Variants in PTPRN2 observed in about 807,000 individuals in gnomAD.
PTPRN2 encodes the protein protein tyrosine phosphatase receptor type N2, also known as receptor-type tyrosine-protein phosphatase N2.
PTPRN2 carries 74 observed loss-of-function variants against 118.8 expected under a neutral mutation model. The observed-to-expected ratio is 0.62, with a 90% CI of 0.52 to 0.76. The LOEUF is 0.76. Among genes scored for constraint, PTPRN2 ranks in the 30% least tolerant of loss-of-function variants. PTPRN2 has a pLI of 0.00. For synonymous variants in PTPRN2, 641 were observed against 608.0 expected (o/e 1.05, Z -0.80); for missense variants, 1,481 against 1,394.4 (o/e 1.06, Z -0.99).
At chr7:158,514,274 C>G (rs145358259) in intron 1 of PTPRN2, among the ~76,000 whole-genome samples, 4 of 152,252 alleles carry the variant, frequency 2.6e-5, no homozygotes, top group African/African-American at 9.6e-5. Flanking sequence ...ACATTCTCCT[C>G]GTTTATCAAT....
Position 157,572,480 on chromosome 7 carries a change from G to A in PTPRN2, c.2784-987C>T, listed in dbSNP as rs114584821. ...GTGGAAAGTAAACATTCCATCAACC[G>A]GTGCTTTGCTACAAACCTTTGAAGC... On this transcript the variant is annotated intron_variant, in intron 19 of 22. Coordinates refer to ENST00000389418, the MANE Select transcript of PTPRN2 (RefSeq NM_002847.5). 1.7e-3 allele frequency among the ~76,000 whole-genome samples: 262 copies of A among 152,308 alleles called. 1 individual carries two copies. Among genetic ancestry groups the A allele is most frequent in the African/African-American group, 6.1e-3 (253 of 41,574 alleles).
intron 6 of PTPRN2, among the ~76,000 whole-genome samples, chr7:158,163,395 T>C (rs11773821): frequency 0.77 from 113,869 of 148,128 alleles, 43,749 homozygotes; most frequent in East Asian, 0.89. Flanking sequence ...TCATAGGTGA[T>C]GCCTGCACGG....
At chr7:158,012,011 A>G (rs1039748170) in intron 11 of PTPRN2, among the ~76,000 whole-genome samples, 5 of 152,302 alleles carry the variant, frequency 3.3e-5, no homozygotes, top group African/African-American at 9.6e-5. Context: ...TTCAGAATCA[A>G]CTTGGGTGAG....
In PTPRN2 at chr7:158,570,045, C is replaced by G. The variant is rs1219646313; in HGVS notation, c.112+17513G>C. Among the ~76,000 whole-genome samples the G allele has an allele frequency of 6.6e-6, 1 of 152,198 alleles. No individual in the cohort carries two copies. Among genetic ancestry groups the G allele is most frequent in the Non-Finnish European group, 1.5e-5 (1 of 68,030 alleles). The stretch of plus-strand genomic sequence containing the variant: ...CCAGGCCTTTCCTCCCTCGCGTTCC[C>G]TCAGGCGCGTCCTCCACCCGTTTCC... On this transcript the variant is annotated intron_variant, in intron 1 of 22. Coordinates refer to ENST00000389418, the MANE Select transcript of PTPRN2 (RefSeq NM_002847.5). The surrounding 1 kb of genome is among the most constrained non-coding windows in gnomAD (Gnocchi z 4.5).
intron 11 of PTPRN2, among the ~76,000 whole-genome samples, chr7:157,931,022 G>T (rs1483754347): frequency 1.3e-5 from 2 of 152,156 alleles, no homozygotes; most frequent in Non-Finnish European, 2.9e-5. Flanking sequence ...TGGATCAGAG[G>T]CTCCCACAGA....
intron 11 of PTPRN2, among the ~76,000 whole-genome samples, chr7:157,965,923 G>A (rs570937978): frequency 2.0e-5 from 3 of 152,180 alleles, no homozygotes; most frequent in East Asian, 3.9e-4. Flanking sequence ...GCCACTGAAC[G>A]CCTCTGTGCC....
intron 12 of PTPRN2, among the ~76,000 whole-genome samples, chr7:157,721,673 G>A (rs1283117844): frequency 6.6e-6 from 1 of 152,198 alleles, no homozygotes; most frequent in Non-Finnish European, 1.5e-5. Flanking sequence ...TGGCAAGGGT[G>A]TGTGTCTCGA....
At chr7:157,767,517 C>G (rs73165834) in intron 12 of PTPRN2, among the ~76,000 whole-genome samples, 1 of 152,154 alleles carries the variant, frequency 6.6e-6, no homozygotes, top group Non-Finnish European at 1.5e-5. Context: ...AGAATGCTCA[C>G]GAATACAGCA....
intron 11 of PTPRN2, among the ~76,000 whole-genome samples, chr7:158,039,987 T>C (rs776551848): frequency 2.0e-5 from 3 of 151,798 alleles, no homozygotes; most frequent in Non-Finnish European, 4.4e-5. Context: ...GATGGGCTCA[T>C]TGGTAGAGCA....
intron 1 of PTPRN2, among the ~76,000 whole-genome samples, chr7:158,547,776 G>T (rs1286604567): frequency 6.6e-6 from 1 of 152,166 alleles, no homozygotes; most frequent in African/African-American, 2.4e-5. Flanking sequence ...CGTACCCCCT[G>T]TCCACCTGGC....
In PTPRN2 at chr7:157,621,503, T is replaced by C; in HGVS notation, c.2203A>G (p.Met735Val). The change falls in exon 15 of 23, where the codon ATG becomes GTG. Residue 735 changes from methionine to valine, a missense_variant. Met to Val is a conservative substitution (Grantham distance 21, BLOSUM62 1). Around this residue, in one of 3 missense-constraint regions of PTPRN2, gnomAD observed 4 missense variants for 16.1 expected, o/e 0.25. Transcript: ENST00000389418. ...ISTGHMILSYMEDHLKNKNRL... is the reference protein window; with the variant it reads ...ISTGHMILSYVEDHLKNKNRL... Reference sequence around the variant, plus strand: ...TTCTTGTTCTTCAGGTGGTCCTCCATGTAGGACTGAAAGGGAAACACAGGG... The same window carrying C: ...TTCTTGTTCTTCAGGTGGTCCTCCACGTAGGACTGAAAGGGAAACACAGGG... 1.9e-6 allele frequency: 3 copies of C among 1,612,920 alleles called. No homozygotes were observed. Among genetic ancestry groups the C allele is most frequent in the African/African-American group, 1.3e-5 (1 of 75,064 alleles).
chr7:157,860,629 T>C (rs1162343375), intron 12 of PTPRN2, among the ~76,000 whole-genome samples: 2 of 152,286 alleles, frequency 1.3e-5, no homozygotes, highest in African/African-American at 4.8e-5. Flanking sequence ...TCATTTCTGT[T>C]CTTTAACGAT....
intron 1 of PTPRN2, among the ~76,000 whole-genome samples, chr7:158,510,511 C>T (rs1586833539): frequency 6.6e-6 from 1 of 151,920 alleles, no homozygotes; most frequent in East Asian, 1.9e-4. Flanking sequence ...ATCTCACTCT[C>T]TTCAGTTTTT....
chr7:157,809,266 G>T (rs970633975), intron 12 of PTPRN2, among the ~76,000 whole-genome samples: 1 of 151,822 alleles, frequency 6.6e-6, no homozygotes, highest in Non-Finnish European at 1.5e-5. Context: ...GGTGTGGAAG[G>T]AGCCCGGCAC....
At chr7:157,852,761 C>T (rs150225675) in intron 12 of PTPRN2, among the ~76,000 whole-genome samples, 3,272 of 149,516 alleles carry the variant, frequency 0.022, 47 homozygotes, top group South Asian at 0.067. Context: ...CCCAGCTACT[C>T]GGGAGGCTGA....
chr7:158,433,815 G>C (rs544561069), intron 2 of PTPRN2, among the ~76,000 whole-genome samples: 5 of 151,870 alleles, frequency 3.3e-5, no homozygotes, highest in African/African-American at 1.2e-4. Context: ...AAGCATCTAA[G>C]GTTATAATTT....
At chr7:158,441,743 G>A (rs868716568) in intron 2 of PTPRN2, among the ~76,000 whole-genome samples, 2 of 144,090 alleles carry the variant, frequency 1.4e-5, no homozygotes, top group African/African-American at 2.6e-5. Context: ...GATGGCAGTG[G>A]TGGTGATAGT....
intron 11 of PTPRN2, among the ~76,000 whole-genome samples, chr7:158,050,751 A>G (rs1009933713): frequency 2.9e-4 from 44 of 152,336 alleles, no homozygotes; most frequent in African/African-American, 1.0e-3. Context: ...CGACTCTTCC[A>G]TGCCAGTCTC....
intron 12 of PTPRN2, among the ~76,000 whole-genome samples, chr7:157,848,875 G>A (rs560764420): frequency 1.2e-4 from 19 of 152,344 alleles, no homozygotes; most frequent in Non-Finnish European, 2.4e-4. Context: ...GGGAAGCCCC[G>A]TGTGCACCAC....
Sources: gnomAD v4.1 joint callset for allele counts (sites outside exome capture counted in the v4.1 genomes callset) on GRCh38, gnomAD v4.1.1 for gene constraint, gnomAD v4.1.1 regional missense constraint, Gnocchi (gnomAD v3.1) non-coding constraint, MANE v1.5 for transcripts, NCBI Gene and HGNC (gene_info 2026-07-23, HGNC 2026-07-21) for gene names.